Variants in PTPRN2 observed in about 807,000 individuals in gnomAD.
PTPRN2 encodes the protein receptor-type tyrosine-protein phosphatase N2.
A neutral mutation model predicts 118.8 loss-of-function variants in PTPRN2; 74 were observed. The ratio of observed to expected loss-of-function variants is 0.62; its 90% CI spans 0.52 to 0.76. PTPRN2 has a LOEUF of 0.76. PTPRN2 is among the 30% of genes least tolerant of loss of function. The pLI, the probability that PTPRN2 is intolerant of heterozygous loss-of-function variation, is 0.00. For missense variants in PTPRN2, 1,481 were observed against 1,394.4 expected (o/e 1.06, Z -0.99); for synonymous variants, 641 against 608.0 (o/e 1.05, Z -0.80).
At chr7:158,170,909 A>C (rs2150607804) in intron 5 of PTPRN2, among the ~76,000 whole-genome samples, 1 of 151,970 alleles carries the variant, frequency 6.6e-6, no homozygotes, top group Admixed American at 6.6e-5. Context: ...CTGGCACGGA[A>C]GTGTTAATGG....
chr7:158,440,953 ATGGGGTAG>A (rs1817004360), intron 2 of PTPRN2, among the ~76,000 whole-genome samples: 1 of 124,320 alleles, frequency 8.0e-6, no homozygotes, highest in Non-Finnish European at 1.6e-5. Context: ...GATGATGGTG[ATGGGGTAG>A]TAGTGGTGTT....
At chr7:157,625,250 AT>A (rs1271603704) in intron 14 of PTPRN2, among the ~76,000 whole-genome samples, 1 of 152,230 alleles carries the variant, frequency 6.6e-6, no homozygotes, top group Non-Finnish European at 1.5e-5. Context: ...AGAGGAAAAG[AT>A]GTCATTATAC....
At chr7:158,056,019 C>T (rs1039173089) in intron 11 of PTPRN2, among the ~76,000 whole-genome samples, 7 of 152,156 alleles carry the variant, frequency 4.6e-5, no homozygotes, top group South Asian at 2.1e-4. Context: ...GGGTGGAGTC[C>T]GGGCCGAGGC....
At chr7:157,967,229 A>G (rs4716845) in intron 11 of PTPRN2, among the ~76,000 whole-genome samples, 58,803 of 152,056 alleles carry the variant, frequency 0.39, 12,081 homozygotes, top group East Asian at 0.59. Context: ...AGGACCCCTT[A>G]AGCCTAGGAG....
In PTPRN2 at chr7:157,775,290, A is replaced by C. The variant is rs759301268; in HGVS notation, c.1789-92353T>G. ...CTGCTCTTTAGAGGGACAGAAATCC[A>C]CAGGACCCCAGTTTCCACCCAAATT... On this transcript the variant is annotated intron_variant, in intron 12 of 22. Coordinates refer to ENST00000389418, the MANE Select transcript of PTPRN2 (RefSeq NM_002847.5). 6.5e-4 allele frequency among the ~76,000 whole-genome samples: 99 copies of C among 152,136 alleles called. 1 individual carries two copies. Among genetic ancestry groups the C allele is most frequent in the Non-Finnish European group, 2.1e-4 (14 of 68,020 alleles).
At chr7:157,811,128 G>A (rs1037106593) in intron 12 of PTPRN2, among the ~76,000 whole-genome samples, 46 of 151,416 alleles carry the variant, frequency 3.0e-4, no homozygotes, top group Admixed American at 1.6e-3. Context: ...AAAATTAGCC[G>A]GGCGTGGTGG....
chr7:157,724,693 G>A (rs576095885), intron 12 of PTPRN2, among the ~76,000 whole-genome samples: 297 of 152,326 alleles, frequency 1.9e-3, no homozygotes, highest in African/African-American at 6.8e-3. Context: ...ATGATAAAGT[G>A]CTGAAGATAT....
chr7:158,192,185 C>T (rs1025829746), intron 5 of PTPRN2, 142 bp downstream of exon 5: 41 of 1,010,760 alleles, frequency 4.1e-5, no homozygotes, highest in South Asian at 1.6e-4. Context: ...CCAGGAACAC[C>T]GAAGCCCTGT....
chr7:158,144,067 C>T (rs1416647323), intron 6 of PTPRN2, among the ~76,000 whole-genome samples: 2 of 152,192 alleles, frequency 1.3e-5, no homozygotes, highest in African/African-American at 2.4e-5. Flanking sequence ...ATTAACCGTT[C>T]TTCTGCAAGG....
chr7:158,231,606 T>C (rs1043623684), intron 3 of PTPRN2, among the ~76,000 whole-genome samples: 6 of 152,154 alleles, frequency 3.9e-5, no homozygotes, highest in Non-Finnish European at 8.8e-5. Context: ...AGTTAAACTA[T>C]ACACTACACC....
chr7:157,934,062 T>C (rs112620994), intron 11 of PTPRN2, among the ~76,000 whole-genome samples: 78 of 152,304 alleles, frequency 5.1e-4, no homozygotes, highest in Admixed American at 3.3e-4. Context: ...GTTTTGCTCT[T>C]TGTCGAGAAC....
intron 11 of PTPRN2, among the ~76,000 whole-genome samples, chr7:157,942,265 G>A (rs1733021445): frequency 6.6e-6 from 1 of 151,772 alleles, no homozygotes; most frequent in South Asian, 2.1e-4. Context: ...GTGATCTTGA[G>A]GCACCACAAA....
chr7:158,149,104 A>ATGT (rs1820591083), intron 6 of PTPRN2, among the ~76,000 whole-genome samples: 1 of 51,292 alleles, frequency 1.9e-5, no homozygotes, highest in Non-Finnish European at 4.1e-5. Flanking sequence ...CTCACGCCAC[A>ATGT]CGTCTTTCCC....
At chr7:157,645,718 G>A (rs2150707038) in intron 14 of PTPRN2, among the ~76,000 whole-genome samples, 1 of 152,312 alleles carries the variant, frequency 6.6e-6, no homozygotes, top group South Asian at 2.1e-4. Context: ...CGCACCACAT[G>A]ACCACAGCAG....
intron 13 of PTPRN2, among the ~76,000 whole-genome samples, chr7:157,662,826 T>G (rs537764279): frequency 6.6e-6 from 1 of 152,288 alleles, no homozygotes; most frequent in East Asian, 1.9e-4. Flanking sequence ...GGACATGGGA[T>G]GTACCCGATG....
intron 12 of PTPRN2, among the ~76,000 whole-genome samples, chr7:157,719,056 AGCGTGTTCCCCAGT>A (rs1264298480): frequency 1.3e-5 from 2 of 151,988 alleles, no homozygotes; most frequent in Non-Finnish European, 2.9e-5. Flanking sequence ...TCTCCCCAGG[AGCGTGTTCCCCAGT>A]GCATGGCCCC....
At chr7:158,422,870 T>G (rs957644218) in intron 2 of PTPRN2, among the ~76,000 whole-genome samples, 1 of 152,248 alleles carries the variant, frequency 6.6e-6, no homozygotes, top group South Asian at 2.1e-4. Flanking sequence ...AGCTCAAGCT[T>G]ACAAGTAGTT....
intron 2 of PTPRN2, among the ~76,000 whole-genome samples, chr7:158,326,623 C>T (rs1383799532): frequency 6.6e-6 from 1 of 151,026 alleles, no homozygotes; most frequent in Non-Finnish European, 1.5e-5. Context: ...CACACATGCA[C>T]ATTCTCACAT....
chr7:158,139,730 G>A (rs534426434), intron 6 of PTPRN2, among the ~76,000 whole-genome samples: 1 of 152,256 alleles, frequency 6.6e-6, no homozygotes, highest in Non-Finnish European at 1.5e-5. Context: ...AATGGAAAGG[G>A]TCCCAGGAGC....
Sources: allele counts gnomAD v4.1 joint callset (sites outside exome capture counted in the v4.1 genomes callset), GRCh38; gene constraint gnomAD v4.1.1; transcripts MANE v1.5; gene names NCBI Gene and HGNC (gene_info 2026-07-23, HGNC 2026-07-21).